Variants in HIVEP3 observed in about 807,000 individuals in gnomAD.
The protein encoded by HIVEP3 is HIVEP zinc finger 3, also known as transcription factor HIVEP3.
Under a neutral mutation model 152.8 loss-of-function variants are expected in HIVEP3, and 49 were observed. The ratio of observed to expected loss-of-function variants is 0.32; its 90% CI spans 0.26 to 0.41. The LOEUF (loss-of-function observed/expected upper bound fraction) is 0.41. HIVEP3 is among the 10% of genes least tolerant of loss of function. HIVEP3 has a pLI of 1.00. For synonymous variants in HIVEP3, 1,269 were observed against 1,289.0 expected, an observed-to-expected ratio of 0.98 and a Z score of 0.33; for missense variants, 2,790 against 3,103.3, an observed-to-expected ratio of 0.90 and a Z score of 2.40.
At chr1:41,523,008 C>T (rs1206494619) in intron 6 of HIVEP3, among the ~76,000 whole-genome samples, 1 of 152,152 alleles carries the variant, frequency 6.6e-6, no homozygotes. Flanking sequence ...AGCTCGGGGC[C>T]CGTGTTCTAG....
intron 1 of HIVEP3, among the ~76,000 whole-genome samples, chr1:41,931,296 G>C (rs1405465632): frequency 6.6e-6 from 1 of 151,842 alleles, no homozygotes; most frequent in Non-Finnish European, 1.5e-5. Context: ...AAGGTGTGAG[G>C]TAAGTGTTGA....
chr1:42,000,233 T>G (rs1645419243), intron 1 of HIVEP3, among the ~76,000 whole-genome samples: 1 of 152,234 alleles, frequency 6.6e-6, no homozygotes, highest in Non-Finnish European at 1.5e-5. Context: ...TAGCTTCTGG[T>G]GGGCCTAGGC....
At chr1:41,742,430 T>C (rs1164667489) in intron 1 of HIVEP3, among the ~76,000 whole-genome samples, 3 of 152,224 alleles carry the variant, frequency 2.0e-5, no homozygotes, top group Non-Finnish European at 2.9e-5. Context: ...TACTTTTCCA[T>C]TGGTCGGATG....
At chr1:41,868,309 C>A (rs1292015054) in intron 1 of HIVEP3, among the ~76,000 whole-genome samples, 1 of 151,554 alleles carries the variant, frequency 6.6e-6, no homozygotes, top group African/African-American at 2.4e-5. Flanking sequence ...AGGTGCTCTA[C>A]AAATATACAA....
At position 41,780,319 on chromosome 1, in the gene HIVEP3, G is replaced by C. The variant is rs1330299279; in HGVS notation, c.-800-79324C>G. 2.0e-5 allele frequency among the ~76,000 whole-genome samples: 3 copies of C among 152,162 alleles called. No homozygotes were observed. The East Asian group carries it at 5.8e-4, about 29-fold the overall frequency. On this transcript the variant is annotated intron_variant, in intron 1 of 8. Coordinates refer to ENST00000372583, the MANE Select transcript of HIVEP3 (RefSeq NM_024503.5). Reference sequence around the variant, plus strand: ...CCAAGGCTGGGGGCAGGGGTGTCAAGTGCCAAAGGGAGCACCAGGTGCTGA... The same window carrying C: ...CCAAGGCTGGGGGCAGGGGTGTCAACTGCCAAAGGGAGCACCAGGTGCTGA...
At chr1:41,844,629 C>A (rs1001480125) in intron 1 of HIVEP3, among the ~76,000 whole-genome samples, 1 of 152,174 alleles carries the variant, frequency 6.6e-6, no homozygotes, top group African/African-American at 2.4e-5. Context: ...GAATAATGTG[C>A]TCAATTCAAA....
chr1:41,916,335 C>G (rs1332392486), intron 1 of HIVEP3, among the ~76,000 whole-genome samples: 1 of 152,178 alleles, frequency 6.6e-6, no homozygotes, highest in Admixed American at 6.5e-5. Context: ...AGCAAACCCA[C>G]TGGGGTGTTG....
At chr1:41,860,756 G>C (rs1643877452) in intron 1 of HIVEP3, among the ~76,000 whole-genome samples, 1 of 152,202 alleles carries the variant, frequency 6.6e-6, no homozygotes, top group Non-Finnish European at 1.5e-5. Flanking sequence ...GCCCCCACAG[G>C]TATAATGCCA....
chr1:42,006,004 T>C (rs1645457315), intron 1 of HIVEP3, among the ~76,000 whole-genome samples: 1 of 152,108 alleles, frequency 6.6e-6, no homozygotes, highest in Non-Finnish European at 1.5e-5. Context: ...CAGATATTTT[T>C]CTATAAAACA....
At chr1:41,833,757 C>T (rs901411797) in intron 1 of HIVEP3, among the ~76,000 whole-genome samples, 3 of 152,200 alleles carry the variant, frequency 2.0e-5, no homozygotes, top group Non-Finnish European at 4.4e-5. Context: ...CACAGTGGCT[C>T]CTCCTTTCCC....
intron 5 of HIVEP3, among the ~76,000 whole-genome samples, chr1:41,532,073 G>A (rs1569785835): frequency 7.3e-6 from 1 of 136,174 alleles, no homozygotes; most frequent in South Asian, 2.6e-4. Context: ...GGGAGATGGA[G>A]GACAGGAGAG....
At chr1:41,693,605 T>C (rs562652952) in intron 2 of HIVEP3, among the ~76,000 whole-genome samples, 25 of 152,374 alleles carry the variant, frequency 1.6e-4, no homozygotes, top group East Asian at 1.9e-4. Context: ...TCTTAGTTTG[T>C]TATCATCCTT....
chr1:41,741,786 C>G (rs1324098417), intron 1 of HIVEP3, among the ~76,000 whole-genome samples: 1 of 152,182 alleles, frequency 6.6e-6, no homozygotes, highest in African/African-American at 2.4e-5. Context: ...TGCTGCTTCA[C>G]CTATTGGAGC....
intron 1 of HIVEP3, among the ~76,000 whole-genome samples, chr1:41,993,552 G>T (rs1430905720): frequency 3.3e-5 from 5 of 152,122 alleles, no homozygotes; most frequent in African/African-American, 1.2e-4. Flanking sequence ...ACTGTTGGTG[G>T]GACTGTAAAC....
At chr1:41,639,877 G>A (rs1440716771) in intron 2 of HIVEP3, among the ~76,000 whole-genome samples, 1 of 152,220 alleles carries the variant, frequency 6.6e-6, no homozygotes, top group East Asian at 1.9e-4. Context: ...AGTGGGCAGA[G>A]AGACAGGCAA....
intron 1 of HIVEP3, among the ~76,000 whole-genome samples, chr1:41,859,131 A>G (rs940986418): frequency 6.6e-6 from 1 of 152,268 alleles, no homozygotes; most frequent in Non-Finnish European, 1.5e-5. Flanking sequence ...AAGAATGCCC[A>G]GCACACAGTT....
At chr1:41,619,370 T>G (rs1441084485) in intron 3 of HIVEP3, among the ~76,000 whole-genome samples, 1 of 152,236 alleles carries the variant, frequency 6.6e-6, no homozygotes, top group Non-Finnish European at 1.5e-5. Context: ...GTATGTTACT[T>G]AAGAAGATAA....
intron 2 of HIVEP3, among the ~76,000 whole-genome samples, chr1:41,681,426 A>G (rs925258016): frequency 6.6e-6 from 1 of 152,124 alleles, no homozygotes; most frequent in African/African-American, 2.4e-5. Flanking sequence ...GGCTTTGGAG[A>G]TGGTTCTTGA....
chr1:41,892,173 C>T (rs980476346), intron 1 of HIVEP3, among the ~76,000 whole-genome samples: 1 of 152,200 alleles, frequency 6.6e-6, no homozygotes, highest in African/African-American at 2.4e-5. Context: ...CAAGACACTG[C>T]ATAGCTCTCT....
Sources: gnomAD v4.1 joint callset for allele counts (sites outside exome capture counted in the v4.1 genomes callset) on GRCh38, gnomAD v4.1.1 for gene constraint, MANE v1.5 for transcripts, NCBI Gene and HGNC (gene_info 2026-07-23, HGNC 2026-07-21) for gene names.